The following D2HGDH variants were observed in gnomAD, a reference collection of about 807,000 sequenced individuals.
The protein encoded by D2HGDH is D-2-hydroxyglutarate dehydrogenase, mitochondrial.
A neutral mutation model predicts 46.9 loss-of-function variants in D2HGDH; 31 were observed. The ratio of observed to expected loss-of-function variants is 0.66; its 90% confidence interval spans 0.50 to 0.89. D2HGDH has a LOEUF of 0.89. Among genes scored for constraint, D2HGDH ranks in the 40% least tolerant of loss-of-function variants. The pLI is 0.00. For synonymous variants in D2HGDH, 364 were observed against 332.6 expected (o/e 1.09, Z -1.03); for missense variants, 698 against 720.8 (o/e 0.97, Z 0.36).
At chr2:241,747,160 A>G (rs1008396221) in intron 6 of D2HGDH, among the ~76,000 whole-genome samples, 4 of 152,074 alleles carry the variant, frequency 2.6e-5, no homozygotes, top group Non-Finnish European at 4.4e-5. Context: ...GGGCTAAACG[A>G]TCCTCCCACT....
intron 6 of D2HGDH, among the ~76,000 whole-genome samples, chr2:241,746,667 A>G (rs1695937413): frequency 6.6e-6 from 1 of 152,140 alleles, no homozygotes; most frequent in Admixed American, 6.5e-5. Flanking sequence ...AGGCAGGTGG[A>G]TCACGAGGTC....
At chr2:241,761,665 A>G (rs1218051290) in intron 9 of D2HGDH, among the ~76,000 whole-genome samples, 1 of 152,178 alleles carries the variant, frequency 6.6e-6, no homozygotes, top group Admixed American at 6.5e-5. Flanking sequence ...CCCCAGGGAC[A>G]CTGAGGGGCA....
At chr2:241,738,534 C>A (rs994831674) in intron 2 of D2HGDH, among the ~76,000 whole-genome samples, 22 of 152,084 alleles carry the variant, frequency 1.4e-4, no homozygotes, top group South Asian at 8.3e-4. Flanking sequence ...GGGCAAGGGA[C>A]CTCCCCGGGG....
intron 2 of D2HGDH, among the ~76,000 whole-genome samples, chr2:241,739,391 A>G (rs1693813365): frequency 6.6e-6 from 1 of 152,250 alleles, no homozygotes; most frequent in South Asian, 2.1e-4. Context: ...CGCAGGTGCC[A>G]GGGTTCCCTC....
At chr2:241,752,616 C>T (rs921049947) in intron 8 of D2HGDH, among the ~76,000 whole-genome samples, 17 of 152,178 alleles carry the variant, frequency 1.1e-4, no homozygotes, top group Admixed American at 3.9e-4. Context: ...GTTTTCCCAG[C>T]AGAAAGAGCA....
At position 241,743,971 on chromosome 2, in the gene D2HGDH, A is replaced by C. The variant is rs977956587; in HGVS notation, c.684+156A>C. The stretch of plus-strand genomic sequence containing the variant: ...CCTCAAGGATGTGTGGGCTACATAC[A>C]CCCCCATCCTGAGGGAGGCCTGGCC... On this transcript the variant is annotated intron_variant, in intron 5 of 9. Transcript: ENST00000321264. This position sits in a 1 kb window ranked among gnomAD's most constrained non-coding sequence, Gnocchi z 4.8. Among the ~76,000 whole-genome samples, 30 of 151,904 alleles carry C rather than the reference A, an allele frequency of 2.0e-4. No homozygotes were observed. Among genetic ancestry groups the C allele is most frequent in the Non-Finnish European group, 4.1e-4 (28 of 67,936 alleles).
At chr2:241,763,035 G>A (rs1575340181) in intron 9 of D2HGDH, among the ~76,000 whole-genome samples, 3 of 152,354 alleles carry the variant, frequency 2.0e-5, no homozygotes, top group Admixed American at 2.0e-4. Context: ...CTTCTGCAGT[G>A]GGTGGGGAGG....
chr2:241,755,243 GCCCA>G (rs775738646), intron 8 of D2HGDH: 101 of 1,112,602 alleles, frequency 9.1e-5, no homozygotes, highest in Middle Eastern at 2.4e-4. Context: ...CTCCCCCGTG[GCCCA>G]CCCACCATGT....
intron 2 of D2HGDH, among the ~76,000 whole-genome samples, chr2:241,737,586 G>C (rs532708515): frequency 6.6e-6 from 1 of 151,960 alleles, no homozygotes; most frequent in Non-Finnish European, 1.5e-5. Flanking sequence ...ACTTCCTGGG[G>C]TCAAGCGATT....
intron 2 of D2HGDH, among the ~76,000 whole-genome samples, chr2:241,737,516 G>GTCTTGCCCTGTCAC (rs1396028794): frequency 2.0e-5 from 3 of 151,870 alleles, no homozygotes; most frequent in African/African-American, 7.3e-5. Flanking sequence ...TTGAGATGGA[G>GTCTTGCCCTGTCAC]TCTTGCCCTG....
chr2:241,752,345 A>G (rs1336715424), intron 8 of D2HGDH, among the ~76,000 whole-genome samples: 1 of 152,044 alleles, frequency 6.6e-6, no homozygotes, highest in Non-Finnish European at 1.5e-5. Flanking sequence ...GTGTGGTGCC[A>G]TCTCTGTTGA....
At chr2:241,756,795 T>C (rs1231012387) in intron 9 of D2HGDH, among the ~76,000 whole-genome samples, 1 of 152,212 alleles carries the variant, frequency 6.6e-6, no homozygotes, top group Non-Finnish European at 1.5e-5. Context: ...GTGCTGGGAT[T>C]ACAGGAGTGA....
At chr2:241,740,375 G>A (rs187199619) in intron 2 of D2HGDH, among the ~76,000 whole-genome samples, 88 of 152,276 alleles carry the variant, frequency 5.8e-4, no homozygotes, top group African/African-American at 1.8e-3. Flanking sequence ...TCCCGTTACC[G>A]TGGGACCGAG....
At chr2:241,749,027 T>TC (rs35249772) in intron 6 of D2HGDH, 387,880 of 1,012,732 alleles carry the variant, frequency 0.38, 76,912 homozygotes, top group African/African-American at 0.63. Flanking sequence ...GGTCCTGGTG[T>TC]CCCTCGTGCT....
intron 6 of D2HGDH, among the ~76,000 whole-genome samples, chr2:241,746,188 C>T (rs1695814990): frequency 6.6e-6 from 1 of 152,134 alleles, no homozygotes; most frequent in Non-Finnish European, 1.5e-5. Context: ...ATGTCTCAGT[C>T]CGTCTTCTGT....
intron 9 of D2HGDH, among the ~76,000 whole-genome samples, chr2:241,764,207 G>A (rs898448352): frequency 3.3e-5 from 5 of 152,258 alleles, no homozygotes; most frequent in Admixed American, 1.3e-4. Flanking sequence ...GGGGGGCGAC[G>A]GGGACTGTGG....
intron 9 of D2HGDH, among the ~76,000 whole-genome samples, chr2:241,758,422 T>G (rs911991160): frequency 6.6e-6 from 1 of 152,222 alleles, no homozygotes; most frequent in East Asian, 1.9e-4. Flanking sequence ...CATATTGGCA[T>G]AAAGTTGTTC....
Position 241,742,411 on chromosome 2 carries a change from A to T in D2HGDH, c.351-24A>T. The T allele has an allele frequency of 6.3e-7, 1 of 1,593,458 alleles. No homozygotes were observed. Among genetic ancestry groups the T allele is most frequent in the Non-Finnish European group, 8.6e-7 (1 of 1,169,178 alleles). On this transcript the variant is annotated intron_variant, in intron 3 of 9. Coordinates refer to ENST00000321264, the MANE Select transcript of D2HGDH (RefSeq NM_152783.5). This position sits in a 1 kb window ranked among gnomAD's most constrained non-coding sequence, Gnocchi z 4.8. ...GCGTAGGGGTGGGGACAGAGCCCCA[A>T]CGTCCCTCCTGTCCTCATCCCAGGC...
chr2:241,740,139 T>C (rs889023395), intron 2 of D2HGDH, among the ~76,000 whole-genome samples: 1 of 152,150 alleles, frequency 6.6e-6, no homozygotes, highest in Non-Finnish European at 1.5e-5. Context: ...AGTGAGACCC[T>C]GTTTCAAAAG....
Sources: allele counts gnomAD v4.1 joint callset (sites outside exome capture counted in the v4.1 genomes callset), GRCh38; gene constraint gnomAD v4.1.1; non-coding constraint Gnocchi (gnomAD v3.1); transcripts MANE v1.5; gene names NCBI Gene and HGNC (gene_info 2026-07-23, HGNC 2026-07-21).